Variants in PGBD5 observed in about 807,000 individuals in gnomAD.
The protein encoded by PGBD5 is piggyBac transposable element-derived protein 5.
Under a neutral mutation model 47.9 loss-of-function variants are expected in PGBD5, and 14 were observed. The observed-to-expected ratio is 0.29, with a 90% CI of 0.19 to 0.46. The LOEUF (loss-of-function observed/expected upper bound fraction) is 0.46, where lower values mean the gene tolerates loss of function less well. Ranked by LOEUF, PGBD5 falls within the 20% of genes least tolerant of loss-of-function variation. The probability of loss-of-function intolerance (pLI) is 1.00; values close to 1 mark genes in which losing one functional copy is unlikely to be tolerated. For missense variants in PGBD5, 635 were observed against 716.0 expected (o/e 0.89, Z 1.29); for synonymous variants, 316 against 306.3 (o/e 1.03, Z -0.33).
At chr1:230,397,044 G>GCTCCCTCC (rs1657002607) in intron 1 of PGBD5, among the ~76,000 whole-genome samples, 1 of 152,200 alleles carries the variant, frequency 6.6e-6, no homozygotes, top group Admixed American at 6.5e-5. Flanking sequence ...ACTGGAGAGG[G>GCTCCCTCC]AGTTCACCTG....
At position 230,357,425 on chromosome 1, in the gene PGBD5, C is replaced by T. The variant is rs1291705137; in HGVS notation, c.332-104G>A. ...AATCCCTGGGTCCCTGGCCGAGTGC[C>T]CCCGCTGCCTCCAGTGCTACCGCCT... On this transcript the variant is annotated intron_variant, in intron 1 of 6. Coordinates refer to ENST00000391860, the MANE Select transcript of PGBD5 (RefSeq NM_001258311.2). This position sits in a 1 kb window ranked among gnomAD's most constrained non-coding sequence, Gnocchi z 5.7. The T allele has an allele frequency of 1.6e-6, 2 of 1,271,572 alleles. No homozygotes were observed. The highest frequency in any genetic ancestry group is 1.5e-5 in the African/African-American group (1 of 67,124). 78.8% of individuals were successfully genotyped at this position (1,271,572 alleles called of 1,614,324 possible). A position where few individuals can be genotyped will look rare whatever the true frequency, so the allele number is the denominator to read the frequency against.
chr1:230,377,245 A>C (rs1225770324), intron 1 of PGBD5, among the ~76,000 whole-genome samples: 1 of 152,224 alleles, frequency 6.6e-6, no homozygotes, highest in Non-Finnish European at 1.5e-5. Context: ...GAAGAGAGGG[A>C]CAGATGTCCT....
At chr1:230,404,629 A>ATAT (rs1353990800) in intron 1 of PGBD5, among the ~76,000 whole-genome samples, 143 of 108,434 alleles carry the variant, frequency 1.3e-3, no homozygotes, top group East Asian at 3.3e-3. Flanking sequence ...AAAAAAAAAA[A>ATAT]ATATATATAT....
At chr1:230,329,125 G>GT (rs981973527) in intron 5 of PGBD5, among the ~76,000 whole-genome samples, 7 of 151,268 alleles carry the variant, frequency 4.6e-5, no homozygotes, top group Non-Finnish European at 8.8e-5. Flanking sequence ...TTTTTTTTGG[G>GT]GGGGGAGGTG....
intron 1 of PGBD5, among the ~76,000 whole-genome samples, chr1:230,416,936 A>G (rs1040314764): frequency 2.0e-5 from 3 of 152,242 alleles, no homozygotes; most frequent in African/African-American, 7.2e-5. Flanking sequence ...AAGCCCCACC[A>G]GCCTGGCCAA....
intron 1 of PGBD5, among the ~76,000 whole-genome samples, chr1:230,388,520 A>C (rs7517370): frequency 0.038 from 5,652 of 149,802 alleles, 131 homozygotes; most frequent in South Asian, 0.081. Flanking sequence ...GGTTCACGCC[A>C]TTCTCCTGCC....
At chr1:230,359,572 T>G (rs1392625026) in intron 1 of PGBD5, among the ~76,000 whole-genome samples, 1 of 152,224 alleles carries the variant, frequency 6.6e-6, no homozygotes, top group Non-Finnish European at 1.5e-5. Flanking sequence ...TCTAGCTAAC[T>G]GCACAGTCTT....
In PGBD5 at chr1:230,366,120, C is replaced by T. The variant is rs11801937; in HGVS notation, c.332-8799G>A. Among the ~76,000 whole-genome samples the T allele has an allele frequency of 7.4e-3, 1,106 of 149,994 alleles. 11 individuals carry two copies. The highest frequency in any genetic ancestry group is 0.026 in the African/African-American group (1,007 of 39,306). ...AGGCCAGGAGGGGACAGGGCTAATC[C>T]ATGGCAATTTGTGAGTCCTGCCATG... On this transcript the variant is annotated intron_variant, in intron 1 of 6. Coordinates refer to ENST00000391860, the MANE Select transcript of PGBD5 (RefSeq NM_001258311.2).
In PGBD5 at chr1:230,383,238, T is replaced by A. The variant is rs571275047; in HGVS notation, c.332-25917A>T. 6.6e-5 allele frequency among the ~76,000 whole-genome samples: 10 copies of A among 152,018 alleles called. 1 individual carries two copies. In the South Asian group the frequency reaches 1.9e-3, roughly 28 times the overall value. On this transcript the variant is annotated intron_variant, in intron 1 of 6. Transcript: ENST00000391860. Reference sequence around the variant, plus strand: ...GCATGCACCACCATGCCCAGCTAATTAAAAAAATTTTTTTTTGTAGAGACA... The same window carrying A: ...GCATGCACCACCATGCCCAGCTAATAAAAAAAATTTTTTTTTGTAGAGACA...
At chr1:230,377,559 A>G (rs1196721318) in intron 1 of PGBD5, 3 of 1,609,442 alleles carry the variant, frequency 1.9e-6, no homozygotes, top group Non-Finnish European at 2.5e-6. Flanking sequence ...ACTGCAGCTC[A>G]GGTCCTGCAG....
chr1:230,392,888 C>G (rs1656823886), intron 1 of PGBD5, among the ~76,000 whole-genome samples: 1 of 151,866 alleles, frequency 6.6e-6, no homozygotes. Context: ...GCCCCAGAGC[C>G]TGGAGCAGCA....
chr1:230,405,700 A>T (rs1233924204), intron 1 of PGBD5, among the ~76,000 whole-genome samples: 1 of 152,200 alleles, frequency 6.6e-6, no homozygotes, highest in Non-Finnish European at 1.5e-5. Context: ...CTAAAAATAT[A>T]TGGACCAGAA....
At chr1:230,391,063 C>G (rs372018046) in intron 1 of PGBD5, among the ~76,000 whole-genome samples, 1 of 151,970 alleles carries the variant, frequency 6.6e-6, no homozygotes, top group Admixed American at 6.6e-5. Flanking sequence ...TTATCCACCT[C>G]CATTTCATAG....
rs2102805555 is a variant in PGBD5, at chr1:230,316,891, C to T, written c.*6534G>A. 6.6e-6 allele frequency: 1 copy of T among 152,312 alleles called. No homozygotes were observed. The highest frequency in any genetic ancestry group is 1.9e-4 in the East Asian group (1 of 5,190). The allele number at this position is 152,312 out of a possible 1,614,324, so 9.4% of individuals were successfully genotyped here. On this transcript the variant is annotated 3_prime_UTR_variant, in exon 7 of 7. Transcript: ENST00000391860. ...CCCTGCTCATGTTTGGGGCGTGCTC[C>T]CCAGATACACACACGCATACCTGGC... is the stretch of plus-strand genomic sequence containing the variant.
At position 230,332,914 on chromosome 1, in the gene PGBD5, C is replaced by A; in HGVS notation, c.1203G>T (p.Met401Ile). 6.2e-7 allele frequency: 1 copy of A among 1,614,228 alleles called. No homozygotes were observed. The highest frequency in any genetic ancestry group is 8.5e-7 in the Non-Finnish European group (1 of 1,180,038). ...GQYQIKMKGN[M>I]SLICWYNKGH... The stretch of plus-strand genomic sequence containing the variant: ...CTTTGTTGTACCAGCAGATCAAGGA[C>A]ATGTTCCCCTTCATCTTGATTTGGT... Residue 401 changes from methionine to isoleucine, a missense_variant, in exon 5 of 7, where the codon ATG becomes ATT. Physicochemically the swap from Met to Ile is conservative, Grantham distance 10. Coordinates refer to ENST00000391860, the MANE Select transcript of PGBD5 (RefSeq NM_001258311.2).
chr1:230,325,107 T>C (rs915912674), intron 6 of PGBD5, among the ~76,000 whole-genome samples: 6 of 152,020 alleles, frequency 3.9e-5, no homozygotes, highest in African/African-American at 1.4e-4. Context: ...GGACACAGAG[T>C]ACCTGGGCAG....
chr1:230,411,220 C>CTGCAGTG (rs1276802323), intron 1 of PGBD5, among the ~76,000 whole-genome samples: 1 of 152,106 alleles, frequency 6.6e-6, no homozygotes, highest in Non-Finnish European at 1.5e-5. Context: ...GAAGTAAAGG[C>CTGCAGTG]TGCAGTGTGC....
At chr1:230,353,974 T>C (rs1454821510) in intron 2 of PGBD5, among the ~76,000 whole-genome samples, 2 of 152,182 alleles carry the variant, frequency 1.3e-5, no homozygotes, top group Admixed American at 1.3e-4. Context: ...GGCGGGCCGA[T>C]GCTGGCAACC....
chr1:230,340,449 A>G (rs894235627), intron 3 of PGBD5, among the ~76,000 whole-genome samples: 5 of 152,098 alleles, frequency 3.3e-5, no homozygotes, highest in Admixed American at 6.6e-5. Context: ...AAACAGTGCA[A>G]GTGTGTGTAT....
Sources: allele counts gnomAD v4.1 joint callset (sites outside exome capture counted in the v4.1 genomes callset), GRCh38; gene constraint gnomAD v4.1.1; non-coding constraint Gnocchi (gnomAD v3.1); transcripts MANE v1.5; gene names NCBI Gene and HGNC (gene_info 2026-07-23, HGNC 2026-07-21).